Variants in GRID2IP observed in about 807,000 individuals in gnomAD.
GRID2IP encodes the protein Grid2 interacting protein, also known as delphilin.
A neutral mutation model predicts 114.3 loss-of-function variants in GRID2IP; 78 were observed. That is an observed-to-expected ratio of 0.68 (90% CI 0.57 to 0.82). GRID2IP has a LOEUF of 0.82. Among genes scored for constraint, GRID2IP ranks in the 40% least tolerant of loss-of-function variants. The probability of loss-of-function intolerance (pLI) is 0.00; values close to 1 mark genes in which losing one functional copy is unlikely to be tolerated. For missense variants in GRID2IP, 1,727 were observed against 1,678.5 expected (o/e 1.03, Z -0.51); for synonymous variants, 809 against 724.0 (o/e 1.12, Z -1.89).
At chr7:6,517,398 G>A (rs1035775751) in intron 7 of GRID2IP, among the ~76,000 whole-genome samples, 2 of 151,866 alleles carry the variant, frequency 1.3e-5, no homozygotes, top group South Asian at 2.1e-4. Flanking sequence ...CTCCGCACAC[G>A]AAGAGAAAAA....
intron 20 of GRID2IP, among the ~76,000 whole-genome samples, chr7:6,498,697 C>T (rs939132872): frequency 3.3e-5 from 5 of 151,464 alleles, no homozygotes; most frequent in Admixed American, 1.3e-4. Context: ...AGTGATCCTC[C>T]CACCTCAGCC....
chr7:6,535,691 T>C (rs189549048), intron 2 of GRID2IP, among the ~76,000 whole-genome samples: 2 of 152,234 alleles, frequency 1.3e-5, no homozygotes, highest in African/African-American at 4.8e-5. Context: ...ACCCTGTCTC[T>C]ATTTATAAAT....
intron 4 of GRID2IP, 77 bp from the exon 5 acceptor site, chr7:6,522,034 CA>C: frequency 8.3e-7 from 1 of 1,211,824 alleles, no homozygotes; most frequent in African/African-American, 1.5e-5. Flanking sequence ...TCCTGTTTTA[CA>C]GGCGAGAAAT....
intron 7 of GRID2IP, among the ~76,000 whole-genome samples, chr7:6,518,227 C>G (rs1270859094): frequency 6.6e-6 from 1 of 151,832 alleles, no homozygotes; most frequent in African/African-American, 2.4e-5. Flanking sequence ...GAGACCCTGT[C>G]TCAGAAAATA....
rs921682180 is a variant in GRID2IP at position 6,508,625 on chromosome 7, G to A, written c.2128-224C>T. Among the ~76,000 whole-genome samples the A allele has an allele frequency of 6.6e-6, 1 of 151,100 alleles. No individual in the cohort carries two copies. Among genetic ancestry groups the A allele is most frequent in the South Asian group, 2.1e-4 (1 of 4,782 alleles). On this transcript the variant is annotated intron_variant, in intron 12 of 21. Transcript: ENST00000457091. This position sits in a 1 kb window ranked among gnomAD's most constrained non-coding sequence, Gnocchi z 5.6. Reference sequence around the variant, plus strand: ...GGCTAAGGATAGGACCCTCTCATGGGTAAGCCTCAGGCTGTGAGGGGGATA... The same window carrying A: ...GGCTAAGGATAGGACCCTCTCATGGATAAGCCTCAGGCTGTGAGGGGGATA...
chr7:6,499,462 G>A (rs1467660601), intron 20 of GRID2IP, among the ~76,000 whole-genome samples: 5 of 152,082 alleles, frequency 3.3e-5, no homozygotes, highest in African/African-American at 4.8e-5. Context: ...ACAGAGTCTC[G>A]CTCTGTTGCC....
At chr7:6,501,510 T>C (rs1786414117) in intron 20 of GRID2IP, among the ~76,000 whole-genome samples, 1 of 152,234 alleles carries the variant, frequency 6.6e-6, no homozygotes, top group Admixed American at 6.5e-5. Context: ...TAGACCAGCC[T>C]GGGCAACATG....
chr7:6,502,955 G>GCCCCA (rs1786458547), intron 17 of GRID2IP, 53 bp downstream of exon 17: 2 of 1,546,822 alleles, frequency 1.3e-6, no homozygotes, highest in Admixed American at 3.9e-5. Context: ...CAGGCTGGAA[G>GCCCCA]CCCCAGGAGG....
chr7:6,527,104 C>T (rs1779530133), intron 2 of GRID2IP, among the ~76,000 whole-genome samples: 1 of 152,018 alleles, frequency 6.6e-6, no homozygotes, highest in Non-Finnish European at 1.5e-5. Context: ...CTGTCCTCTC[C>T]CCCCACTCCC....
At chr7:6,501,026 TCA>T (rs1786399356) in intron 20 of GRID2IP, among the ~76,000 whole-genome samples, 1 of 152,192 alleles carries the variant, frequency 6.6e-6, no homozygotes, top group Non-Finnish European at 1.5e-5. Flanking sequence ...GGCTTCAGTT[TCA>T]CACAGACTTG....
rs1473073283 is a variant in GRID2IP, at chr7:6,506,451, A to C, written c.2545-544T>G. On this transcript the variant is annotated intron_variant, in intron 13 of 21. Coordinates refer to ENST00000457091, the MANE Select transcript of GRID2IP (RefSeq NM_001145118.2). The surrounding 1 kb of genome is among the most constrained non-coding windows in gnomAD (Gnocchi z 5.2). ...TGGCTGCCAAAGGGAGAGAACCCAA[A>C]GGGAGGGCAGGCAGGGGAATGAAGT... 6.6e-6 allele frequency among the ~76,000 whole-genome samples: 1 copy of C among 152,202 alleles called. No individual in the cohort carries two copies. Among genetic ancestry groups the C allele is most frequent in the East Asian group, 1.9e-4 (1 of 5,194 alleles).
intron 8 of GRID2IP, among the ~76,000 whole-genome samples, chr7:6,512,585 A>C (rs1164995949): frequency 6.6e-6 from 1 of 151,294 alleles, no homozygotes; most frequent in African/African-American, 2.4e-5. Context: ...ATCTCAGCTC[A>C]CTGCAACCTC....
chr7:6,534,225 G>C lies in GRID2IP; in HGVS notation c.584+5493C>G, dbSNP rs1051807691. On this transcript the variant is annotated intron_variant, in intron 2 of 21. Transcript: ENST00000457091. The surrounding 1 kb of genome is among the most constrained non-coding windows in gnomAD (Gnocchi z 4.5). ...ACCTGTATTCAAGCCGGGTCTGTCCGGATTCCGAATCCCAGCTTCTACCAT... is the reference window on the plus strand; with the variant it reads ...ACCTGTATTCAAGCCGGGTCTGTCCCGATTCCGAATCCCAGCTTCTACCAT... Among the ~76,000 whole-genome samples, 2 of 152,066 alleles carry C rather than the reference G, an allele frequency of 1.3e-5. No individual in the cohort carries two copies. The highest frequency in any genetic ancestry group is 2.9e-5 in the Non-Finnish European group (2 of 68,022).
In GRID2IP at chr7:6,506,708, G is replaced by T. The variant is rs1403004502; in HGVS notation, c.2545-801C>A. ...TTTTTTTTTTTTTTTTTTAGATAGG[G>T]TCTCACTCTGTACCCCAGGCTGGAG... On this transcript the variant is annotated intron_variant, in intron 13 of 21. Transcript: ENST00000457091. This position sits in a 1 kb window ranked among gnomAD's most constrained non-coding sequence, Gnocchi z 5.2. Among the ~76,000 whole-genome samples, 1 of 147,248 alleles carries T rather than the reference G, an allele frequency of 6.8e-6. No homozygotes were observed. Among genetic ancestry groups the T allele is most frequent in the Non-Finnish European group, 1.5e-5 (1 of 67,016 alleles).
In GRID2IP at chr7:6,521,600, C is replaced by A; in HGVS notation, c.990-77G>T. 9.3e-7 allele frequency: 1 copy of A among 1,070,066 alleles called. No homozygotes were observed. The highest frequency in any genetic ancestry group is 1.4e-6 in the Non-Finnish European group (1 of 739,288). 66.3% of individuals were successfully genotyped at this position (1,070,066 alleles called of 1,614,324 possible). A position where few individuals can be genotyped will look rare whatever the true frequency, so the allele number is the denominator to read the frequency against. On this transcript the variant is annotated intron_variant, in intron 5 of 21. Transcript: ENST00000457091. This position sits in a 1 kb window ranked among gnomAD's most constrained non-coding sequence, Gnocchi z 4.1. ...CGGCCACCAGCCAGACCTCCCTGTCCTGCCCACAGAGGTCACACAGCAAGA... is the reference window on the plus strand; with the variant it reads ...CGGCCACCAGCCAGACCTCCCTGTCATGCCCACAGAGGTCACACAGCAAGA...
At chr7:6,512,064 T>C (rs1779179668) in intron 8 of GRID2IP, among the ~76,000 whole-genome samples, 1 of 150,132 alleles carries the variant, frequency 6.7e-6, no homozygotes, top group African/African-American at 2.4e-5. Flanking sequence ...TGCACCACCA[T>C]GCCTGGCTAA....
At chr7:6,517,369 T>C (rs1296721315) in intron 7 of GRID2IP, among the ~76,000 whole-genome samples, 4 of 152,044 alleles carry the variant, frequency 2.6e-5, no homozygotes, top group Non-Finnish European at 5.9e-5. Context: ...CTTGTGTCTT[T>C]ATTTCTACGA....
At position 6,528,283 on chromosome 7, in the gene GRID2IP, A is replaced by AC. The variant is rs1779554861; in HGVS notation, c.585-1515_585-1514insG. Among the ~76,000 whole-genome samples the AC allele has an allele frequency of 6.6e-6, 1 of 152,172 alleles. No individual in the cohort carries two copies. Among genetic ancestry groups the AC allele is most frequent in the Admixed American group, 6.5e-5 (1 of 15,268 alleles). The stretch of plus-strand genomic sequence containing the variant: ...CTCAGCACATAGGAGAGACTCAGTC[A>AC]ACAGGAGATCCACCAGCAGCCTAAC... On this transcript the variant is annotated intron_variant, in intron 2 of 21. Coordinates refer to ENST00000457091, the MANE Select transcript of GRID2IP (RefSeq NM_001145118.2). This position sits in a 1 kb window ranked among gnomAD's most constrained non-coding sequence, Gnocchi z 6.0.
chr7:6,540,572 G>A (rs1041487328), intron 1 of GRID2IP, among the ~76,000 whole-genome samples: 1 of 151,018 alleles, frequency 6.6e-6, no homozygotes, highest in African/African-American at 2.4e-5. Context: ...CCAGGCTGGG[G>A]TGCGGTGGCT....
Sources: gnomAD v4.1 joint callset for allele counts (sites outside exome capture counted in the v4.1 genomes callset) on GRCh38, gnomAD v4.1.1 for gene constraint, Gnocchi (gnomAD v3.1) non-coding constraint, MANE v1.5 for transcripts, NCBI Gene and HGNC (gene_info 2026-07-23, HGNC 2026-07-21) for gene names.